CRB2: variants seen among roughly 807,000 people sequenced by gnomAD.
CRB2 encodes protein crumbs homolog 2.
A neutral mutation model predicts 110.9 loss-of-function variants in CRB2; 85 were observed. The ratio of observed to expected loss-of-function variants is 0.77; its 90% confidence interval spans 0.64 to 0.92. The LOEUF (loss-of-function observed/expected upper bound fraction) is 0.92. Among genes scored for constraint, CRB2 ranks in the 40% least tolerant of loss-of-function variants. The pLI is 0.00. For synonymous variants in CRB2, 907 were observed against 831.0 expected (o/e 1.09, Z -1.57); for missense variants, 1,843 against 1,851.3 (o/e 1.00, Z 0.08).
chr9:123,369,463 C>A (rs2041982295), intron 6 of CRB2, among the ~76,000 whole-genome samples: 1 of 152,104 alleles, frequency 6.6e-6, no homozygotes, highest in African/African-American at 2.4e-5. Context: ...TTAGGGAAAG[C>A]CTCTGGGCCC....
chr9:123,363,858 G>A (rs2041897651), intron 2 of CRB2, among the ~76,000 whole-genome samples: 1 of 152,232 alleles, frequency 6.6e-6, no homozygotes, highest in African/African-American at 2.4e-5. Flanking sequence ...GAACATCCTG[G>A]AGCGGCTTCC....
chr9:123,367,431 CCCCCCCA>C (rs2041951509), intron 5 of CRB2, 74 bp downstream of exon 5: 2 of 259,530 alleles, frequency 7.7e-6, no homozygotes, highest in Non-Finnish European at 1.2e-5. Context: ...ACCCCCCCAC[CCCCCCCA>C]CCCCCCCACC....
At chr9:123,371,640 G>T (rs2042018842) in intron 8 of CRB2, 62 bp downstream of exon 8, 3 of 1,598,084 alleles carry the variant, frequency 1.9e-6, no homozygotes, top group Admixed American at 1.7e-5. Flanking sequence ...GATCTGTCCT[G>T]TGTCACCGGG....
At chr9:123,375,037 T>C (rs2042082327) in intron 11 of CRB2, among the ~76,000 whole-genome samples, 180 bp from the exon 12 acceptor site, 1 of 152,120 alleles carries the variant, frequency 6.6e-6, no homozygotes, top group Admixed American at 6.5e-5. Context: ...TGAGAGTCCT[T>C]CTCAGTGACG....
chr9:123,372,512 G>A (rs1422120683), intron 9 of CRB2, among the ~76,000 whole-genome samples, 170 bp downstream of exon 9: 2 of 152,248 alleles, frequency 1.3e-5, no homozygotes, highest in East Asian at 1.9e-4. Context: ...TGGAGAAGGT[G>A]AGCCTGTACT....
Position 123,363,104 on chromosome 9 carries a change from T to C in CRB2, c.334T>C (p.Cys112Arg). 1.9e-6 allele frequency: 3 copies of C among 1,611,280 alleles called. No homozygotes were observed. The highest frequency in any genetic ancestry group is 2.2e-5 in the East Asian group (1 of 44,866). ...ACGCTGCGAGCTGGACATCGATGAG[T>C]GTGCATCCCGGCCGTGCCACCATGG... ...GPRCELDIDE[C>R]ASRPCHHGAT... Residue 112 changes from cysteine (C) to arginine (R), a missense_variant, in exon 2 of 13, where the codon TGT (cysteine) becomes CGT (arginine). Coordinates refer to ENST00000373631, the MANE Select transcript of CRB2 (RefSeq NM_173689.7).
Position 123,373,549 on chromosome 9 carries a change from G to T in CRB2, c.3018G>T (p.Leu1006=). ...LQGPGAVRIL[L]AENFTGCLGR... The stretch of plus-strand genomic sequence containing the variant: ...GCCCGGGTGCTGTGCGCATCCTGCT[G>T]GCTGAGAACTTCACCGGCTGCTTGG... Residue 1006 remains leucine (L), a synonymous_variant, in exon 10 of 13, where the codon CTG becomes CTT. Transcript: ENST00000373631. 6.7e-7 allele frequency: 1 copy of T among 1,487,526 alleles called. No individual in the cohort carries two copies. Among genetic ancestry groups the T allele is most frequent in the South Asian group, 1.3e-5 (1 of 78,018 alleles). 92.1% of individuals were successfully genotyped at this position (1,487,526 alleles called of 1,614,324 possible).
chr9:123,370,367 T>A lies in CRB2; in HGVS notation c.1314T>A (p.Asn438Lys). Residue 438 changes from asparagine (N) to lysine (K), a missense_variant, in exon 7 of 13, where the codon AAT (asparagine) becomes AAA (lysine). Transcript: ENST00000373631. ...PGTHGPFCGQ[N>K]TTFSVMAGSP... ...CCCATGGACCGTTCTGTGGCCAGAA[T>A]ACCACCTTCTCTGTGATGGCTGGGA... The A allele has an allele frequency of 6.2e-7, 1 of 1,613,832 alleles. No homozygotes were observed. Among genetic ancestry groups the A allele is most frequent in the South Asian group, 1.1e-5 (1 of 91,080 alleles).
At chr9:123,369,272 C>T (rs1283232217) in intron 6 of CRB2, among the ~76,000 whole-genome samples, 3 of 152,188 alleles carry the variant, frequency 2.0e-5, no homozygotes, top group African/African-American at 7.2e-5. Context: ...ACTTGCACTA[C>T]CCCACTAGCT....
At chr9:123,366,456 C>T in intron 4 of CRB2, 90 bp downstream of exon 4, 1 of 1,412,216 alleles carries the variant, frequency 7.1e-7, no homozygotes, top group Middle Eastern at 2.5e-4. Context: ...TGTGGCTGCA[C>T]GCGAGTGCCC....
chr9:123,374,331 G>A (rs1481339545), intron 10 of CRB2, among the ~76,000 whole-genome samples: 7 of 151,910 alleles, frequency 4.6e-5, no homozygotes, highest in Admixed American at 1.3e-4. Flanking sequence ...ATGTCCAGGC[G>A]TTGTGTTTAG....
At position 123,365,912 on chromosome 9, in the gene CRB2, T is replaced by C; in HGVS notation, c.419-5T>C. 1 of 1,590,846 alleles carries C rather than the reference T, an allele frequency of 6.3e-7. No homozygotes were observed. The highest frequency in any genetic ancestry group is 8.5e-7 in the Non-Finnish European group (1 of 1,176,088). ...TGCACCCTGTGTGTCCCCTGCCCTG[T>C]CCAGGCGTGACCTGCGAGATGGAGG... On this transcript the variant is annotated splice_polypyrimidine_tract_variant and splice_region_variant and intron_variant, in intron 2 of 12. Coordinates refer to ENST00000373631, the MANE Select transcript of CRB2 (RefSeq NM_173689.7).
intron 1 of CRB2, among the ~76,000 whole-genome samples, chr9:123,359,561 A>C (rs1374771856): frequency 2.8e-5 from 4 of 142,524 alleles, no homozygotes; most frequent in African/African-American, 5.3e-5. Flanking sequence ...CCATCCTCCC[A>C]CCTCAGCCTC....
At position 123,373,167 on chromosome 9, in the gene CRB2, C is replaced by A. The variant is rs940830029; in HGVS notation, c.2636C>A (p.Pro879His). 18 of 1,514,154 alleles carry A rather than the reference C, an allele frequency of 1.2e-5. No individual in the cohort carries two copies. The Admixed American group carries it at 2.0e-4, about 17-fold the overall frequency. 93.8% of individuals were successfully genotyped at this position (1,514,154 alleles called of 1,614,324 possible). The change falls in exon 10 of 13, where the codon CCC becomes CAC. Residue 879 changes from proline to histidine, a missense_variant. Physicochemically the swap from Pro to His is moderately conservative, Grantham distance 77. Coordinates refer to ENST00000373631, the MANE Select transcript of CRB2 (RefSeq NM_173689.7). The part of the protein sequence containing the change: ...VAEATFREGP[P>H]AAFSGHNASS... ...GAGGCCACGTTCCGCGAGGGTCCCC[C>A]CGCCGCGTTCAGCGGGCACAACGCG...
Position 123,371,414 on chromosome 9 carries a change from C to A in CRB2, c.2272C>A (p.Pro758Thr). The change falls in exon 8 of 13, where the codon CCC becomes ACC. Residue 758 changes from proline to threonine, a missense_variant. Transcript: ENST00000373631. Reference sequence around the variant, plus strand: ...GAGGCTCCTTGCTGCCGACAGCCAGCCCTGGGGTGGGCCCTTCCGAGGCTG... The same window carrying A: ...GAGGCTCCTTGCTGCCGACAGCCAGACCTGGGGTGGGCCCTTCCGAGGCTG... Reference protein sequence around the residue: ...GGRLLAADSQPWGGPFRGCLQ... With the variant: ...GGRLLAADSQTWGGPFRGCLQ... The A allele has an allele frequency of 2.5e-6, 4 of 1,611,794 alleles. No individual in the cohort carries two copies. Among genetic ancestry groups the A allele is most frequent in the South Asian group, 1.1e-5 (1 of 90,910 alleles).
Position 123,367,607 on chromosome 9 carries a change from C to T in CRB2, c.975C>T (p.Ala325=). 4 of 1,565,882 alleles carry T rather than the reference C, an allele frequency of 2.6e-6. No individual in the cohort carries two copies. Among genetic ancestry groups the T allele is most frequent in the Non-Finnish European group, 3.5e-6 (4 of 1,156,076 alleles). The part of the protein sequence containing the change: ...ADCGVEVDEC[A]SRPCLNGGHC... ...GCGGTGTGGAGGTGGACGAGTGTGC[C>T]TCACGGCCATGCCTCAACGGAGGCC... The change falls in exon 6 of 13, where the codon GCC becomes GCT. Residue 325 remains alanine, a synonymous_variant. Transcript: ENST00000373631.
chr9:123,366,394 CG>C (rs761072389), intron 4 of CRB2, 28 bp downstream of exon 4: 16 of 1,524,640 alleles, frequency 1.0e-5, no homozygotes, highest in Admixed American at 4.4e-5. Context: ...CGCGGCCTGG[CG>C]GGGGGAGGGG....
Position 123,377,278 on chromosome 9 carries a change from C to T in CRB2, c.*216C>T. ...AGGCTGCGGACTTCTCCATCCCACC[C>T]TCGGGGTTCCGCCTTGGCAGGTGTA... On this transcript the variant is annotated 3_prime_UTR_variant, in exon 13 of 13. Transcript: ENST00000373631. 1.8e-6 allele frequency: 1 copy of T among 564,070 alleles called. No individual in the cohort carries two copies. The highest frequency in any genetic ancestry group is 3.1e-6 in the Non-Finnish European group (1 of 320,096). 34.9% of individuals were successfully genotyped at this position (564,070 alleles called of 1,614,324 possible). A position where few individuals can be genotyped will look rare whatever the true frequency, so the allele number is the denominator to read the frequency against.
intron 1 of CRB2, among the ~76,000 whole-genome samples, chr9:123,359,436 GTTTTGTT>G (rs1431882158): frequency 8.0e-5 from 5 of 62,420 alleles, no homozygotes; most frequent in South Asian, 6.9e-4. Context: ...TTTCGTTTTT[GTTTTGTT>G]TTTTTTTTTT....
Sources: allele counts gnomAD v4.1 joint callset (sites outside exome capture counted in the v4.1 genomes callset), GRCh38; gene constraint gnomAD v4.1.1; transcripts MANE v1.5; gene names NCBI Gene and HGNC (gene_info 2026-07-23, HGNC 2026-07-21).